Variants in DCHS2 observed in about 807,000 individuals in gnomAD.
DCHS2 encodes protocadherin-23.
In DCHS2, 142 loss-of-function variants were observed where a neutral mutation model predicts 182.4. The observed-to-expected ratio is 0.78, with a 90% confidence interval of 0.68 to 0.89. The LOEUF is 0.89. DCHS2 is among the 40% of genes least tolerant of loss of function. The pLI, the probability that DCHS2 is intolerant of heterozygous loss-of-function variation, is 0.00. For missense variants in DCHS2, 4,319 were observed against 4,198.6 expected (o/e 1.03, Z -0.79); for synonymous variants, 1,740 against 1,663.3 (o/e 1.05, Z -1.12).
chr4:154,409,268 A>T (rs1004631285), intron 1 of DCHS2, among the ~76,000 whole-genome samples: 1 of 152,062 alleles, frequency 6.6e-6, no homozygotes, highest in African/African-American at 2.4e-5. Flanking sequence ...ACCATTCCAG[A>T]GTCCTTGCTG....
In DCHS2 at chr4:154,333,010, C is replaced by T; in HGVS notation, c.3198G>A (p.Leu1066=). Residue 1066 remains leucine, a synonymous_variant, in exon 5 of 20, where the codon CTG becomes CTA. Transcript: ENST00000357232. ...EDQGVHPQAA[L]LVLTVVIEKR... is the part of the protein sequence containing the mutation. ...TCTCGATAACGACTGTCAGCACCAG[C>T]AGGGCTGCCTGAGGATGCACGCCTT... 2 of 1,614,168 alleles carry T rather than the reference C, an allele frequency of 1.2e-6. No homozygotes were observed. Among genetic ancestry groups the T allele is most frequent in the Non-Finnish European group, 1.7e-6 (2 of 1,180,006 alleles).
At chr4:154,390,391 T>A (rs1347197282) in intron 1 of DCHS2, among the ~76,000 whole-genome samples, 1 of 151,684 alleles carries the variant, frequency 6.6e-6, no homozygotes, top group Non-Finnish European at 1.5e-5. Flanking sequence ...TTGCGATAGT[T>A]TGATACTCTT....
At chr4:154,292,064 A>G (rs1734692068) in intron 13 of DCHS2, among the ~76,000 whole-genome samples, 1 of 152,180 alleles carries the variant, frequency 6.6e-6, no homozygotes, top group African/African-American at 2.4e-5. Context: ...CACATAACCC[A>G]TAAATATATA....
At chr4:154,444,481 C>A (rs1026174934) in intron 1 of DCHS2, among the ~76,000 whole-genome samples, 2 of 152,186 alleles carry the variant, frequency 1.3e-5, no homozygotes, top group Non-Finnish European at 2.9e-5. Context: ...CTTGTCTTCT[C>A]CACAATGAGA....
intron 1 of DCHS2, among the ~76,000 whole-genome samples, chr4:154,395,561 T>G (rs1341247502): frequency 6.6e-6 from 1 of 152,248 alleles, no homozygotes; most frequent in African/African-American, 2.4e-5. Context: ...ACCATCTCTG[T>G]ATCCTTCAAT....
intron 7 of DCHS2, among the ~76,000 whole-genome samples, chr4:154,327,611 A>G (rs1736331654): frequency 6.6e-6 from 1 of 152,166 alleles, no homozygotes; most frequent in South Asian, 2.1e-4. Flanking sequence ...CCAACAGAAA[A>G]CATAATAGTA....
chr4:154,328,027 G>A, intron 7 of DCHS2, 66 bp downstream of exon 7: 1 of 1,156,272 alleles, frequency 8.6e-7, no homozygotes, highest in South Asian at 1.8e-5. Context: ...TCCCAGAAGG[G>A]GATAGTTGAT....
At chr4:154,267,726 G>A (rs2111196262) in intron 14 of DCHS2, among the ~76,000 whole-genome samples, 1 of 152,164 alleles carries the variant, frequency 6.6e-6, no homozygotes, top group South Asian at 2.1e-4. Context: ...TAGCTTTACG[G>A]CAATTAGAGA....
At chr4:154,291,373 A>T (rs1734652909) in intron 13 of DCHS2, among the ~76,000 whole-genome samples, 1 of 152,098 alleles carries the variant, frequency 6.6e-6, no homozygotes, top group Non-Finnish European at 1.5e-5. Context: ...ACTATAAATA[A>T]ATAACAGTGT....
At chr4:154,452,395 GGGT>G (rs1423705823) in intron 1 of DCHS2, among the ~76,000 whole-genome samples, 36 of 152,024 alleles carry the variant, frequency 2.4e-4, no homozygotes, top group African/African-American at 8.5e-4. Context: ...AGGCCCAGGC[GGGT>G]GGATCGCCTG....
chr4:154,462,818 G>A (rs1735067632), intron 1 of DCHS2, among the ~76,000 whole-genome samples: 1 of 152,052 alleles, frequency 6.6e-6, no homozygotes, highest in African/African-American at 2.4e-5. Context: ...GTAGTAAAAA[G>A]ACTATGAACG....
At chr4:154,248,687 T>C (rs1005980185) in intron 16 of DCHS2, among the ~76,000 whole-genome samples, 11 of 152,138 alleles carry the variant, frequency 7.2e-5, no homozygotes, top group Admixed American at 1.3e-4. Flanking sequence ...CTTCAAACTA[T>C]ACTATAAGGC....
rs530381540 is a variant in DCHS2, at chr4:154,390,384, C to T, written c.2053-12940G>A. ...TGCGGTGTTTGGTTTTTTGTTCTTG[C>T]GATAGTTTGATACTCTTAATCCTGT... is the stretch of plus-strand genomic sequence containing the variant. On this transcript the variant is annotated intron_variant, in intron 1 of 19. Transcript: ENST00000357232. Among the ~76,000 whole-genome samples, 18 of 150,132 alleles carry T rather than the reference C, an allele frequency of 1.2e-4. 1 individual carries two copies. The highest frequency in any genetic ancestry group is 7.4e-4 in the Admixed American group (11 of 14,960).
In DCHS2 at chr4:154,489,637, G is replaced by A. The variant is rs370644997; in HGVS notation, c.1719C>T (p.His573=). 1.5e-4 allele frequency: 227 copies of A among 1,551,502 alleles called. No homozygotes were observed. The highest frequency in any genetic ancestry group is 2.0e-4 in the Non-Finnish European group (224 of 1,146,926). The change falls in exon 1 of 20, where the codon CAC becomes CAT. Residue 573 remains histidine, a synonymous_variant. Transcript: ENST00000357232. ...GGACTACAGTGTAGCGCAGCCAGGC[G>A]TGATCACTGCCTGCCTCGTCGGCAT... The part of the protein sequence containing the change: ...ASDADEAGSD[H]AWLRYTVVQL...
chr4:154,484,506 A>T (rs1728509481), intron 1 of DCHS2, among the ~76,000 whole-genome samples: 1 of 152,212 alleles, frequency 6.6e-6, no homozygotes, highest in Non-Finnish European at 1.5e-5. Flanking sequence ...ACACACCGTG[A>T]TTATTCCAAT....
intron 14 of DCHS2, among the ~76,000 whole-genome samples, chr4:154,265,876 A>AC (rs1291439814): frequency 3.3e-5 from 5 of 151,926 alleles, no homozygotes; most frequent in African/African-American, 1.2e-4. Flanking sequence ...ATATTCTGAG[A>AC]CCCCCCAGTG....
chr4:154,375,716 T>C (rs1363055778), intron 2 of DCHS2, among the ~76,000 whole-genome samples: 4 of 152,176 alleles, frequency 2.6e-5, no homozygotes, highest in African/African-American at 9.6e-5. Flanking sequence ...GAAATTTTCA[T>C]ACTTCACTGG....
At chr4:154,396,531 T>C (rs1344921350) in intron 1 of DCHS2, among the ~76,000 whole-genome samples, 2 of 152,194 alleles carry the variant, frequency 1.3e-5, no homozygotes, top group Non-Finnish European at 2.9e-5. Flanking sequence ...TAACTGGCTC[T>C]GAATTCAGGA....
intron 16 of DCHS2, among the ~76,000 whole-genome samples, chr4:154,243,469 C>T (rs1560978429): frequency 6.6e-6 from 1 of 152,154 alleles, no homozygotes. Flanking sequence ...CTCTCACCAC[C>T]CTTCCAATGT....
Sources: allele counts gnomAD v4.1 joint callset (sites outside exome capture counted in the v4.1 genomes callset), GRCh38; gene constraint gnomAD v4.1.1; transcripts MANE v1.5; gene names NCBI Gene and HGNC (gene_info 2026-07-23, HGNC 2026-07-21).